SDCCAG8: variants seen among roughly 807,000 people sequenced by gnomAD.
The protein encoded by SDCCAG8 is SHH signaling and ciliogenesis regulator SDCCAG8.
A neutral mutation model predicts 101.8 loss-of-function variants in SDCCAG8; 74 were observed. The ratio of observed to expected loss-of-function variants is 0.73; its 90% CI spans 0.60 to 0.88. The LOEUF (loss-of-function observed/expected upper bound fraction) is 0.88, where lower values mean the gene tolerates loss of function less well. Ranked by LOEUF, SDCCAG8 falls within the 40% of genes least tolerant of loss-of-function variation. The pLI, the probability that SDCCAG8 is intolerant of heterozygous loss-of-function variation, is 0.00. For synonymous variants in SDCCAG8, 281 were observed against 292.9 expected (o/e 0.96, Z 0.41); for missense variants, 787 against 822.6 (o/e 0.96, Z 0.53).
chr1:243,448,397 T>A (rs2083092687), intron 16 of SDCCAG8, among the ~76,000 whole-genome samples: 1 of 152,212 alleles, frequency 6.6e-6, no homozygotes, highest in African/African-American at 2.4e-5. Flanking sequence ...TGTTTGTTCA[T>A]GTATTTATTT....
intron 13 of SDCCAG8, among the ~76,000 whole-genome samples, chr1:243,408,249 A>T (rs2147993491): frequency 6.6e-6 from 1 of 152,306 alleles, no homozygotes; most frequent in East Asian, 1.9e-4. Context: ...ACCAGGCACT[A>T]TTCCAGATTT....
In SDCCAG8 at chr1:243,303,392, CAG is replaced by C. The variant is rs575071679; in HGVS notation, c.676-1319_676-1318del. ...AATTAAAGAGCATAACAAAGTGAGA[CAG>C]AAATTACCACGTGTTTCCATAAAGT... On this transcript the variant is annotated intron_variant, in intron 6 of 17. Transcript: ENST00000366541. 1.6e-3 allele frequency among the ~76,000 whole-genome samples: 249 copies of C among 152,176 alleles called. 1 individual carries two copies. The highest frequency in any genetic ancestry group is 6.8e-3 in the Middle Eastern group (2 of 294).
intron 17 of SDCCAG8, among the ~76,000 whole-genome samples, chr1:243,496,329 C>G (rs550478760): frequency 3.3e-5 from 5 of 152,150 alleles, no homozygotes; most frequent in Admixed American, 6.5e-5. Context: ...GCCCAGAACA[C>G]GAGGCGGAGG....
chr1:243,497,677 AT>A (rs1198497148), intron 17 of SDCCAG8, among the ~76,000 whole-genome samples: 4 of 152,052 alleles, frequency 2.6e-5, no homozygotes, highest in Non-Finnish European at 4.4e-5. Flanking sequence ...TCCGCAACAC[AT>A]TTTACTTTTA....
rs752697949 is a variant in SDCCAG8 at position 243,426,573 on chromosome 1, A to G, written c.1985+15A>G. The G allele has an allele frequency of 1.9e-6, 3 of 1,613,756 alleles. No individual in the cohort carries two copies. The East Asian group carries it at 6.7e-5, about 36-fold the overall frequency. The stretch of plus-strand genomic sequence containing the variant: ...ATGAAGCAAAGGTAATCAAGGTTTC[A>G]TGTCAACTCATGTGCCGCATATTGA... On this transcript the variant is annotated intron_variant, in intron 16 of 17. Transcript: ENST00000366541.
At chr1:243,417,714 A>C (rs1177445662) in intron 14 of SDCCAG8, among the ~76,000 whole-genome samples, 1 of 152,198 alleles carries the variant, frequency 6.6e-6, no homozygotes, top group Non-Finnish European at 1.5e-5. Context: ...ACACTTTATT[A>C]ACATGTTAAA....
At chr1:243,258,296 T>C (rs2066921142) in intron 1 of SDCCAG8, among the ~76,000 whole-genome samples, 1 of 152,212 alleles carries the variant, frequency 6.6e-6, no homozygotes, top group Admixed American at 6.5e-5. Context: ...ACTTTTATTT[T>C]TGTATGTTAG....
chr1:243,481,727 G>C (rs1199529782), intron 16 of SDCCAG8, among the ~76,000 whole-genome samples: 1 of 152,172 alleles, frequency 6.6e-6, no homozygotes, highest in Non-Finnish European at 1.5e-5. Context: ...AGTGACCACA[G>C]GGAGGAGGCT....
intron 16 of SDCCAG8, among the ~76,000 whole-genome samples, chr1:243,456,672 G>A (rs1319871364): frequency 1.3e-5 from 2 of 152,124 alleles, no homozygotes; most frequent in Non-Finnish European, 1.5e-5. Context: ...GGTAGAGGGA[G>A]GGCAATTGGC....
At chr1:243,459,686 C>T (rs948362396) in intron 16 of SDCCAG8, among the ~76,000 whole-genome samples, 1 of 152,150 alleles carries the variant, frequency 6.6e-6, no homozygotes, top group Non-Finnish European at 1.5e-5. Context: ...TAGCTCGTGG[C>T]AGCCTTAACT....
At chr1:243,334,918 G>A (rs897152361) in intron 10 of SDCCAG8, among the ~76,000 whole-genome samples, 1 of 152,100 alleles carries the variant, frequency 6.6e-6, no homozygotes, top group African/African-American at 2.4e-5. Context: ...CCTCGTCTCC[G>A]CGCCTCCCAT....
intron 16 of SDCCAG8, among the ~76,000 whole-genome samples, chr1:243,433,356 GAAAA>G (rs914707825): frequency 3.1e-5 from 2 of 64,958 alleles, no homozygotes; most frequent in Admixed American, 1.8e-4. Flanking sequence ...CGTCTCAAAA[GAAAA>G]AAAAAAAAAA....
intron 17 of SDCCAG8, among the ~76,000 whole-genome samples, chr1:243,489,400 T>C (rs941103582): frequency 6.6e-6 from 1 of 152,154 alleles, no homozygotes; most frequent in Admixed American, 6.5e-5. Context: ...GAGTGCCAAG[T>C]TGCGCCGTGC....
intron 16 of SDCCAG8, among the ~76,000 whole-genome samples, chr1:243,449,164 C>T (rs1272682187): frequency 6.6e-6 from 1 of 152,162 alleles, no homozygotes; most frequent in African/African-American, 2.4e-5. Flanking sequence ...CTGCCTGGCT[C>T]TACTTAGGCT....
intron 12 of SDCCAG8, among the ~76,000 whole-genome samples, chr1:243,350,917 G>T (rs1325934693): frequency 6.6e-6 from 1 of 152,208 alleles, no homozygotes; most frequent in African/African-American, 2.4e-5. Flanking sequence ...AGACATCGTT[G>T]TATCTTTTAA....
intron 16 of SDCCAG8, among the ~76,000 whole-genome samples, chr1:243,445,437 G>C (rs2082835736): frequency 6.6e-6 from 1 of 152,194 alleles, no homozygotes; most frequent in South Asian, 2.1e-4. Flanking sequence ...AGGTGGACTA[G>C]TACTAATGAT....
chr1:243,269,776 A>G (rs2067935840), intron 1 of SDCCAG8, among the ~76,000 whole-genome samples: 2 of 151,938 alleles, frequency 1.3e-5, no homozygotes, highest in South Asian at 4.2e-4. Flanking sequence ...TGGGAAGGAG[A>G]GCACTTCCCT....
At chr1:243,400,195 G>A (rs1276398605) in intron 13 of SDCCAG8, among the ~76,000 whole-genome samples, 1 of 152,190 alleles carries the variant, frequency 6.6e-6, no homozygotes, top group Non-Finnish European at 1.5e-5. Flanking sequence ...TAATATGTTA[G>A]TGCACACTGT....
chr1:243,436,535 C>T (rs988873811), intron 16 of SDCCAG8, among the ~76,000 whole-genome samples: 9 of 152,096 alleles, frequency 5.9e-5, no homozygotes, highest in Non-Finnish European at 8.8e-5. Flanking sequence ...TGTCAAAGAT[C>T]AGTTAACTAC....
Sources: allele counts gnomAD v4.1 joint callset (sites outside exome capture counted in the v4.1 genomes callset), GRCh38; gene constraint gnomAD v4.1.1; transcripts MANE v1.5; gene names NCBI Gene and HGNC (gene_info 2026-07-23, HGNC 2026-07-21).